Variants in DACH1 observed in about 807,000 individuals in gnomAD.
DACH1 encodes the protein dachshund family transcription factor 1, also known as dachshund homolog 1.
DACH1 carries 12 observed loss-of-function variants against 54.2 expected under a neutral mutation model. That is an observed-to-expected ratio of 0.22 (90% CI 0.14 to 0.36). The LOEUF (loss-of-function observed/expected upper bound fraction) is 0.36, where lower values mean the gene tolerates loss of function less well. Among genes scored for constraint, DACH1 ranks in the 10% least tolerant of loss-of-function variants. The pLI is 1.00. For synonymous variants in DACH1, 386 were observed against 366.2 expected, an observed-to-expected ratio of 1.05 and a Z score of -0.62; for missense variants, 805 against 929.8, an observed-to-expected ratio of 0.87 and a Z score of 1.75.
intron 3 of DACH1, among the ~76,000 whole-genome samples, chr13:71,592,473 A>T (rs1873783786): frequency 7.1e-6 from 1 of 140,244 alleles, no homozygotes. Context: ...CTAGCCTGGG[A>T]GACATAGCAA....
chr13:71,605,564 C>G (rs1053160997), intron 3 of DACH1, among the ~76,000 whole-genome samples: 4 of 151,702 alleles, frequency 2.6e-5, no homozygotes, highest in Non-Finnish European at 1.5e-5. Flanking sequence ...TAATTGATTA[C>G]TTTTCATATA....
intron 1 of DACH1, among the ~76,000 whole-genome samples, chr13:71,804,510 A>T (rs1887416095): frequency 6.6e-6 from 1 of 152,092 alleles, no homozygotes; most frequent in Non-Finnish European, 1.5e-5. Context: ...TCTTATGTCC[A>T]CTAAATATTT....
intron 7 of DACH1, among the ~76,000 whole-genome samples, chr13:71,481,704 T>A (rs1305817415): frequency 1.3e-5 from 2 of 152,170 alleles, no homozygotes; most frequent in Non-Finnish European, 2.9e-5. Context: ...TATGCAAAAG[T>A]ATGTTACCGC....
At chr13:71,558,133 A>T (rs2138378403) in intron 5 of DACH1, among the ~76,000 whole-genome samples, 1 of 152,176 alleles carries the variant, frequency 6.6e-6, no homozygotes, top group Middle Eastern at 3.4e-3. Context: ...ATAAACGATG[A>T]TGAATTTGAG....
At position 71,559,922 on chromosome 13, in the gene DACH1, A is replaced by T; in HGVS notation, c.1333T>A (p.Ser445Thr). The T allele has an allele frequency of 6.2e-7, 1 of 1,604,744 alleles. No individual in the cohort carries two copies. Among genetic ancestry groups the T allele is most frequent in the Non-Finnish European group, 8.5e-7 (1 of 1,175,586 alleles). The change falls in exon 5 of 11, where the codon TCT (serine) becomes ACT (threonine). Residue 445 changes from serine to threonine, a missense_variant. By Grantham distance (58) the Ser-to-Thr change is moderately conservative. This residue lies in a region of DACH1 where 472 missense variants were observed against 545.3 expected (regional missense o/e 0.87). Transcript: ENST00000613252. Reference sequence around the variant, plus strand: ...CCAGGCCTTCTCCCCTCCTCCAGAGAGGGGGCAGGTGAGGGGCTATCAGGA... The same window carrying T: ...CCAGGCCTTCTCCCCTCCTCCAGAGTGGGGGCAGGTGAGGGGCTATCAGGA... Reference protein sequence around the residue: ...RVPDSPSPAPSLEEGRRPGSH... With the variant: ...RVPDSPSPAPTLEEGRRPGSH...
intron 2 of DACH1, among the ~76,000 whole-genome samples, chr13:71,653,490 C>T (rs2138629155): frequency 6.6e-6 from 1 of 152,316 alleles, no homozygotes. Context: ...AGACGCTGCC[C>T]TACGCATGTC....
intron 3 of DACH1, among the ~76,000 whole-genome samples, chr13:71,583,835 AAAT>A (rs1241554376): frequency 6.6e-6 from 1 of 152,168 alleles, no homozygotes; most frequent in Non-Finnish European, 1.5e-5. Context: ...ACCCTGTCTC[AAAT>A]AATAATAAGA....
At chr13:71,791,564 A>T (rs1886834346) in intron 1 of DACH1, among the ~76,000 whole-genome samples, 2 of 152,054 alleles carry the variant, frequency 1.3e-5, no homozygotes, top group African/African-American at 2.4e-5. Context: ...GTGTATTTTT[A>T]GTAGACATGG....
intron 1 of DACH1, among the ~76,000 whole-genome samples, chr13:71,747,216 G>A (rs1325904085): frequency 1.3e-5 from 2 of 151,856 alleles, no homozygotes; most frequent in Non-Finnish European, 2.9e-5. Flanking sequence ...ATCATGTAAT[G>A]TAGTCCACAC....
At chr13:71,823,186 G>A (rs1323697796) in intron 1 of DACH1, among the ~76,000 whole-genome samples, 1 of 151,812 alleles carries the variant, frequency 6.6e-6, no homozygotes, top group Non-Finnish European at 1.5e-5. Flanking sequence ...TCATTAAAAT[G>A]CCCCCTTTTG....
At chr13:71,517,686 A>T (rs1014731963) in intron 6 of DACH1, among the ~76,000 whole-genome samples, 9 of 151,908 alleles carry the variant, frequency 5.9e-5, no homozygotes, top group African/African-American at 2.2e-4. Flanking sequence ...TAGGGGAAAC[A>T]TACTCTATAT....
In DACH1 at chr13:71,609,719, A is replaced by G. The variant is rs566020254; in HGVS notation, c.1126+20837T>C. ...TTTGTATATTTTTAGTAGAGATGAG[A>G]TTTCACCATGTTGGTCAGGCTGGTC... On this transcript the variant is annotated intron_variant, in intron 3 of 10. Coordinates refer to ENST00000613252, the MANE Select transcript of DACH1 (RefSeq NM_080759.6). Among the ~76,000 whole-genome samples, 13 of 151,886 alleles carry G rather than the reference A, an allele frequency of 8.6e-5. No individual in the cohort carries two copies. The South Asian group carries it at 2.5e-3, about 29-fold the overall frequency.
chr13:71,857,970 C>T (rs1342345656), intron 1 of DACH1, among the ~76,000 whole-genome samples: 9 of 151,578 alleles, frequency 5.9e-5, no homozygotes, highest in Admixed American at 5.9e-4. Flanking sequence ...TTTACTGTTG[C>T]TACTAATAAA....
At chr13:71,795,215 C>T (rs1269318681) in intron 1 of DACH1, among the ~76,000 whole-genome samples, 2 of 151,920 alleles carry the variant, frequency 1.3e-5, no homozygotes, top group Non-Finnish European at 2.9e-5. Flanking sequence ...GTTTTTTAAG[C>T]TAAAGACATG....
intron 10 of DACH1, among the ~76,000 whole-genome samples, chr13:71,471,786 A>G (rs1164439513): frequency 1.3e-5 from 2 of 152,020 alleles, no homozygotes; most frequent in African/African-American, 2.4e-5. Context: ...AAAAGAAGGA[A>G]ACTATGAAAG....
rs1381616878 is a variant in DACH1 at position 71,859,447 on chromosome 13, C to T, written c.848+6475G>A. The stretch of plus-strand genomic sequence containing the variant: ...TATTTTTTAATTGGACATTTATCTG[C>T]TATTCATTAAATTAATTTTAATTGT... On this transcript the variant is annotated intron_variant, in intron 1 of 10. Coordinates refer to ENST00000613252, the MANE Select transcript of DACH1 (RefSeq NM_080759.6). Among the ~76,000 whole-genome samples, 3 of 151,844 alleles carry T rather than the reference C, an allele frequency of 2.0e-5. No individual in the cohort carries two copies. The East Asian group carries it at 5.8e-4, about 29-fold the overall frequency.
intron 6 of DACH1, among the ~76,000 whole-genome samples, chr13:71,536,244 A>C (rs909603044): frequency 2.6e-5 from 4 of 152,136 alleles, no homozygotes; most frequent in Admixed American, 2.6e-4. Flanking sequence ...AACAACTAAA[A>C]TTTACACTCA....
chr13:71,570,302 A>C (rs938193673), intron 4 of DACH1, among the ~76,000 whole-genome samples: 2 of 152,136 alleles, frequency 1.3e-5, no homozygotes, highest in African/African-American at 4.8e-5. Flanking sequence ...CTTTCTTAAA[A>C]TGTGTTTACT....
At chr13:71,480,225 C>T (rs543854031) in intron 7 of DACH1, among the ~76,000 whole-genome samples, 11 of 151,942 alleles carry the variant, frequency 7.2e-5, no homozygotes, top group Admixed American at 2.0e-4. Context: ...TATATTTAAG[C>T]GATCTAAAAC....
Sources: allele counts gnomAD v4.1 joint callset (sites outside exome capture counted in the v4.1 genomes callset), GRCh38; gene constraint gnomAD v4.1.1; regional missense constraint gnomAD v4.1.1; transcripts MANE v1.5; gene names NCBI Gene and HGNC (gene_info 2026-07-23, HGNC 2026-07-21).